The following PPM1L variants were observed in gnomAD, a reference collection of about 807,000 sequenced individuals.
The protein encoded by PPM1L is protein phosphatase 1L.
PPM1L carries 13 observed loss-of-function variants against 31.4 expected under a neutral mutation model. The observed-to-expected ratio is 0.41, with a 90% CI of 0.27 to 0.66. PPM1L has a LOEUF of 0.66. Among genes scored for constraint, PPM1L ranks in the 30% least tolerant of loss-of-function variants. The pLI is 0.29. For synonymous variants in PPM1L, 184 were observed against 175.4 expected (o/e 1.05, Z -0.39); for missense variants, 326 against 453.7 (o/e 0.72, Z 2.56).
chr3:160,996,429 G>C (rs536642275), intron 2 of PPM1L, among the ~76,000 whole-genome samples: 29 of 152,158 alleles, frequency 1.9e-4, no homozygotes, highest in African/African-American at 7.0e-4. Context: ...AAAAATTGTG[G>C]TATATATATC....
chr3:161,037,412 C>CTTTTTTT (rs59883046), intron 2 of PPM1L, among the ~76,000 whole-genome samples: 1 of 99,490 alleles, frequency 1.0e-5, no homozygotes, highest in Non-Finnish European at 1.9e-5. Context: ...CCTACTTGAG[C>CTTTTTTT]TTTTTTTTTT....
At chr3:161,000,565 G>T (rs1717449456) in intron 2 of PPM1L, among the ~76,000 whole-genome samples, 1 of 152,128 alleles carries the variant, frequency 6.6e-6, no homozygotes, top group Non-Finnish European at 1.5e-5. Flanking sequence ...GAAGGCTGAT[G>T]AATCTGGAAA....
intron 1 of PPM1L, among the ~76,000 whole-genome samples, chr3:160,796,030 C>T (rs77834308): frequency 0.012 from 1,804 of 152,332 alleles, 18 homozygotes; most frequent in Non-Finnish European, 0.018. Context: ...CAACCAGCAA[C>T]CAGAGAGTTC....
In PPM1L at chr3:161,020,230, AT is replaced by A. The variant is rs562243261; in HGVS notation, c.575-45170del. On this transcript the variant is annotated intron_variant, in intron 2 of 3. Transcript: ENST00000498165. ...GGCATTTCAAAATATTTGAACATAT[AT>A]TTAAGTCCTGAACCCTCGTGTAGGC... 1.1e-4 allele frequency among the ~76,000 whole-genome samples: 16 copies of A among 152,306 alleles called. No homozygotes were observed. The South Asian group carries it at 3.1e-3, about 30-fold the overall frequency.
intron 3 of PPM1L, 126 bp downstream of exon 3, chr3:161,065,690 G>A: frequency 1.4e-6 from 1 of 712,964 alleles, no homozygotes; most frequent in Non-Finnish European, 2.2e-6. Flanking sequence ...TGAGGTAACT[G>A]AGATTGACTT....
At chr3:161,014,453 TC>T (rs1285176027) in intron 2 of PPM1L, among the ~76,000 whole-genome samples, 2 of 150,492 alleles carry the variant, frequency 1.3e-5, no homozygotes, top group South Asian at 4.2e-4. Flanking sequence ...CTGCCAAATA[TC>T]CCTTTTTTTC....
intron 1 of PPM1L, among the ~76,000 whole-genome samples, chr3:160,784,209 TG>T (rs1711833546): frequency 2.0e-5 from 3 of 152,184 alleles, no homozygotes; most frequent in African/African-American, 7.2e-5. Context: ...TACCTATATG[TG>T]TATATATTTT....
rs1720189771 is a variant in PPM1L, at chr3:161,078,790, C to T, written c.*9633C>T. On this transcript the variant is annotated 3_prime_UTR_variant, in exon 4 of 4. Transcript: ENST00000498165. ...TCGGGTAGAATTAGCCTTGTAGAGA[C>T]TAATGTGTTCATGCTATCTCTGATC... 1 of 152,130 alleles carries T rather than the reference C, an allele frequency of 6.6e-6. No homozygotes were observed. Among genetic ancestry groups the T allele is most frequent in the African/African-American group, 2.4e-5 (1 of 41,406 alleles). 9.4% of individuals were successfully genotyped at this position (152,130 alleles called of 1,614,324 possible).
intron 2 of PPM1L, among the ~76,000 whole-genome samples, chr3:161,059,272 A>C (rs1202973167): frequency 1.3e-5 from 2 of 152,170 alleles, no homozygotes; most frequent in Admixed American, 6.5e-5. Flanking sequence ...CTGGACCAGA[A>C]TCTTGGATGG....
chr3:161,075,920 A>G lies in PPM1L; in HGVS notation c.*6763A>G, dbSNP rs1220358152. 6.6e-6 allele frequency: 1 copy of G among 152,204 alleles called. No individual in the cohort carries two copies. Among genetic ancestry groups the G allele is most frequent in the African/African-American group, 2.4e-5 (1 of 41,454 alleles). 9.4% of individuals were successfully genotyped at this position (152,204 alleles called of 1,614,324 possible). A position where few individuals can be genotyped will look rare whatever the true frequency, so the allele number is the denominator to read the frequency against. On this transcript the variant is annotated 3_prime_UTR_variant, in exon 4 of 4. Transcript: ENST00000498165. ...CAACACCTTTACTGTCCCAGATTCC[A>G]TTCACGTTCCAAATCGTGGACAGTA...
intron 2 of PPM1L, among the ~76,000 whole-genome samples, chr3:161,025,381 T>C (rs537449710): frequency 2.0e-5 from 3 of 152,096 alleles, no homozygotes; most frequent in Admixed American, 2.0e-4. Flanking sequence ...CTGGAAAACA[T>C]AGTAAGAATC....
At chr3:160,949,686 A>G (rs571403851) in intron 1 of PPM1L, among the ~76,000 whole-genome samples, 1 of 152,328 alleles carries the variant, frequency 6.6e-6, no homozygotes, top group South Asian at 2.1e-4. Flanking sequence ...AGACCCACAT[A>G]GATGAAAAAG....
intron 1 of PPM1L, among the ~76,000 whole-genome samples, chr3:160,770,276 T>G: frequency 6.6e-6 from 1 of 152,180 alleles, no homozygotes; most frequent in Non-Finnish European, 1.5e-5. Flanking sequence ...TAACTAGAAC[T>G]AACAGAACAA....
chr3:160,804,084 A>T (rs1712523005), intron 1 of PPM1L, among the ~76,000 whole-genome samples: 1 of 147,770 alleles, frequency 6.8e-6, no homozygotes, highest in African/African-American at 2.6e-5. Context: ...CGCCCAGCTA[A>T]TTTTTTTTCT....
At chr3:160,835,420 A>G (rs902856274) in intron 1 of PPM1L, among the ~76,000 whole-genome samples, 35 of 152,072 alleles carry the variant, frequency 2.3e-4, no homozygotes, top group Non-Finnish European at 5.0e-4. Flanking sequence ...GTATTTTTAG[A>G]ATAACTAAAT....
rs1312915344 is a variant in PPM1L, at chr3:161,073,687, G to A, written c.*4530G>A. On this transcript the variant is annotated 3_prime_UTR_variant, in exon 4 of 4. Transcript: ENST00000498165. ...CACCATTCTCCTGCCTCAGCCTCCT[G>A]AGCAGCTGGGACTACAGGCGGCCTC... 3 of 152,162 alleles carry A rather than the reference G, an allele frequency of 2.0e-5. No homozygotes were observed. The highest frequency in any genetic ancestry group is 2.1e-4 in the South Asian group (1 of 4,804). The allele number at this position is 152,162 out of a possible 1,614,324, so 9.4% of individuals were successfully genotyped here.
In PPM1L at chr3:160,843,426, TTATATATATATATATATATATATATATA is replaced by T. The variant is rs55994031; in HGVS notation, c.399+86735_399+86762del. Among the ~76,000 whole-genome samples, 138 of 47,536 alleles carry T rather than the reference TTATATATATATATATATATATATATATA, an allele frequency of 2.9e-3. 1 individual carries two copies. The highest frequency in any genetic ancestry group is 6.2e-3 in the East Asian group (4 of 648). The allele number at this position is 47,536 out of a possible 152,430, so 31.2% of individuals were successfully genotyped here. ...TTTTTGTGTGTGTATGGCAATTCTT[TTATATATATATATATATATATATATATA>T]TATATATATATATATGTTTTTTTTA... On this transcript the variant is annotated intron_variant, in intron 1 of 3. Coordinates refer to ENST00000498165, the MANE Select transcript of PPM1L (RefSeq NM_139245.4).
chr3:160,933,223 G>T (rs1010728132), intron 1 of PPM1L, among the ~76,000 whole-genome samples: 8 of 152,140 alleles, frequency 5.3e-5, no homozygotes, highest in Middle Eastern at 3.4e-3. Context: ...GATAGAAATG[G>T]CACAGAAAGC....
At chr3:161,033,496 T>C (rs1237516308) in intron 2 of PPM1L, among the ~76,000 whole-genome samples, 1 of 151,890 alleles carries the variant, frequency 6.6e-6, no homozygotes, top group Non-Finnish European at 1.5e-5. Flanking sequence ...AACAGAGATA[T>C]AGACCAATGG....
Sources: allele counts gnomAD v4.1 joint callset (sites outside exome capture counted in the v4.1 genomes callset), GRCh38; gene constraint gnomAD v4.1.1; transcripts MANE v1.5; gene names NCBI Gene and HGNC (gene_info 2026-07-23, HGNC 2026-07-21).